The following SYT2 variants were observed in gnomAD, a reference collection of about 807,000 sequenced individuals.
The protein encoded by SYT2 is synaptotagmin 2.
In SYT2, 15 loss-of-function variants were observed where a neutral mutation model predicts 39.9. The observed-to-expected ratio is 0.38, with a 90% CI of 0.25 to 0.58. SYT2 has a LOEUF of 0.58. SYT2 is among the 20% of genes least tolerant of loss of function. SYT2 has a pLI of 0.70. For synonymous variants in SYT2, 181 were observed against 204.5 expected, an observed-to-expected ratio of 0.89 and a Z score of 0.98; for missense variants, 389 against 530.3, an observed-to-expected ratio of 0.73 and a Z score of 2.62.
At chr1:202,657,709 A>G (rs1011695585) in intron 1 of SYT2, among the ~76,000 whole-genome samples, 1 of 152,012 alleles carries the variant, frequency 6.6e-6, no homozygotes, top group Non-Finnish European at 1.5e-5. Flanking sequence ...AACTGAGTGC[A>G]GTCAGCATAG....
intron 1 of SYT2, among the ~76,000 whole-genome samples, chr1:202,642,717 C>A (rs1205535949): frequency 1.3e-5 from 2 of 152,226 alleles, no homozygotes; most frequent in Non-Finnish European, 2.9e-5. Flanking sequence ...CTCCGGCACA[C>A]CCCCCTCTGC....
Position 202,602,890 on chromosome 1 carries a change from A to G in SYT2, c.465+109T>C, listed in dbSNP as rs1442178081. On this transcript the variant is annotated intron_variant, in intron 4 of 8. Transcript: ENST00000367268. ...GTTTCCAGCCTGCCTCATTCTATGG[A>G]AAGGAGTAGTGCCCACACATCTCTG... 3 of 1,362,474 alleles carry G rather than the reference A, an allele frequency of 2.2e-6. No individual in the cohort carries two copies. In the Admixed American group the frequency reaches 5.5e-5, roughly 25 times the overall value. 84.4% of individuals were successfully genotyped at this position (1,362,474 alleles called of 1,614,324 possible).
Position 202,687,666 on chromosome 1 carries a change from C to CAAAA in SYT2, c.-18+22588_-18+22591dup, listed in dbSNP as rs59844832. On this transcript the variant is annotated intron_variant, in intron 1 of 8. Coordinates refer to ENST00000367268, the MANE Select transcript of SYT2 (RefSeq NM_177402.5). Reference sequence around the variant, plus strand: ...GGGCAACAAGAGTGAAACTCCATCTCAAAAAAAAAAAAAAAAAAGAAAAGA... The same window carrying CAAAA: ...GGGCAACAAGAGTGAAACTCCATCTCAAAAAAAAAAAAAAAAAAAAAAGAAAAGA... Among the ~76,000 whole-genome samples the CAAAA allele has an allele frequency of 8.3e-5, 7 of 83,946 alleles. No homozygotes were observed. The East Asian group carries it at 1.4e-3, about 17-fold the overall frequency. 55.1% of individuals were successfully genotyped at this position (83,946 alleles called of 152,430 possible). A position where few individuals can be genotyped will look rare whatever the true frequency, so the allele number is the denominator to read the frequency against.
At chr1:202,703,246 T>C (rs982275438) in intron 1 of SYT2, among the ~76,000 whole-genome samples, 3 of 151,968 alleles carry the variant, frequency 2.0e-5, no homozygotes, top group Non-Finnish European at 4.4e-5. Context: ...TCTTTGACGC[T>C]ACCACCCTCC....
rs768616648 is a variant in SYT2 at position 202,602,597 on chromosome 1, C to T, written c.466-52G>A. 4 of 1,545,968 alleles carry T rather than the reference C, an allele frequency of 2.6e-6. No homozygotes were observed. In the South Asian group the frequency reaches 3.6e-5, roughly 14 times the overall value. ...CCTGAGTCTCAGGACTGCTCCAATACCACAACTGGCCCCAGACCCAGCACC... is the reference window on the plus strand; with the variant it reads ...CCTGAGTCTCAGGACTGCTCCAATATCACAACTGGCCCCAGACCCAGCACC... On this transcript the variant is annotated intron_variant, in intron 4 of 8. Transcript: ENST00000367268.
chr1:202,695,694 C>T (rs572186918), intron 1 of SYT2, among the ~76,000 whole-genome samples: 27 of 152,326 alleles, frequency 1.8e-4, no homozygotes, highest in Admixed American at 5.9e-4. Context: ...GCACTGACAT[C>T]AGTGGCAACG....
At chr1:202,631,485 G>T (rs546107047) in intron 1 of SYT2, among the ~76,000 whole-genome samples, 1 of 151,992 alleles carries the variant, frequency 6.6e-6, no homozygotes, top group Non-Finnish European at 1.5e-5. Flanking sequence ...TCTTCCCAGC[G>T]GCCCCTCCCC....
intron 1 of SYT2, among the ~76,000 whole-genome samples, chr1:202,696,179 G>A (rs1489790908): frequency 1.3e-5 from 2 of 152,214 alleles, no homozygotes; most frequent in African/African-American, 4.8e-5. Flanking sequence ...GGGAACTAGA[G>A]GCAGAGCCAG....
chr1:202,685,052 A>G (rs577677326), intron 1 of SYT2, among the ~76,000 whole-genome samples: 17 of 152,312 alleles, frequency 1.1e-4, no homozygotes, highest in African/African-American at 3.8e-4. Flanking sequence ...GAAGCCGGGA[A>G]GAGAGAGGTT....
chr1:202,648,298 A>G (rs896531178), intron 1 of SYT2, among the ~76,000 whole-genome samples: 46 of 152,114 alleles, frequency 3.0e-4, no homozygotes, highest in Admixed American at 5.2e-4. Flanking sequence ...CTCATGCCTC[A>G]GCCTCCCAAG....
At chr1:202,684,871 T>G (rs1653621923) in intron 1 of SYT2, among the ~76,000 whole-genome samples, 1 of 152,206 alleles carries the variant, frequency 6.6e-6, no homozygotes, top group Non-Finnish European at 1.5e-5. Context: ...CTTCTAGCAC[T>G]GACACCCAAC....
chr1:202,698,950 C>T (rs965374224), intron 1 of SYT2, among the ~76,000 whole-genome samples: 1 of 149,588 alleles, frequency 6.7e-6, no homozygotes, highest in Non-Finnish European at 1.5e-5. Context: ...TCTGAGGGGG[C>T]TGGGATCTAG....
chr1:202,650,313 C>T (rs570410058), intron 1 of SYT2, among the ~76,000 whole-genome samples: 89 of 152,218 alleles, frequency 5.8e-4, no homozygotes, highest in Non-Finnish European at 1.1e-3. Context: ...CATGTGCTTG[C>T]ACGCAGTGAC....
intron 1 of SYT2, among the ~76,000 whole-genome samples, chr1:202,653,464 C>T (rs1203741375): frequency 1.3e-5 from 2 of 152,086 alleles, no homozygotes; most frequent in Non-Finnish European, 2.9e-5. Flanking sequence ...ATACCTTGGC[C>T]GTTACCCCCA....
At chr1:202,625,970 T>C (rs1691393078) in intron 1 of SYT2, among the ~76,000 whole-genome samples, 1 of 152,214 alleles carries the variant, frequency 6.6e-6, no homozygotes, top group Admixed American at 6.5e-5. Flanking sequence ...GAACGCCATG[T>C]GTATGAACAC....
In SYT2 at chr1:202,601,824, C is replaced by T; in HGVS notation, c.801+66G>A. ...CAAAGCCCACCCTGTTTCCATCATG[C>T]CAAGAGGTGGAAGCCCACCTGTACA... On this transcript the variant is annotated intron_variant, in intron 6 of 8. Transcript: ENST00000367268. This position sits in a 1 kb window ranked among gnomAD's most constrained non-coding sequence, Gnocchi z 4.0. 6.5e-7 allele frequency: 1 copy of T among 1,536,208 alleles called. No homozygotes were observed. Among genetic ancestry groups the T allele is most frequent in the Non-Finnish European group, 8.9e-7 (1 of 1,128,242 alleles).
At chr1:202,654,987 AAAGCAACTCCT>A (rs1692254391) in intron 1 of SYT2, among the ~76,000 whole-genome samples, 2 of 152,306 alleles carry the variant, frequency 1.3e-5, no homozygotes, top group South Asian at 4.1e-4. Flanking sequence ...AGGGGCACTA[AAAGCAACTCCT>A]AAGCTCCTGG....
intron 1 of SYT2, among the ~76,000 whole-genome samples, chr1:202,708,342 A>C (rs569875679): frequency 6.6e-6 from 1 of 152,166 alleles, no homozygotes; most frequent in African/African-American, 2.4e-5. Flanking sequence ...ATGGTGGGCC[A>C]GGTCTATGTG....
intron 1 of SYT2, chr1:202,643,159 G>T (rs1691969476): frequency 6.6e-6 from 1 of 152,398 alleles, no homozygotes; most frequent in Non-Finnish European, 1.5e-5. Flanking sequence ...TCACCGTTTG[G>T]CGACCCCGCG....
Sources: allele counts gnomAD v4.1 joint callset (sites outside exome capture counted in the v4.1 genomes callset), GRCh38; gene constraint gnomAD v4.1.1; non-coding constraint Gnocchi (gnomAD v3.1); transcripts MANE v1.5; gene names NCBI Gene and HGNC (gene_info 2026-07-23, HGNC 2026-07-21).